NRXN1: variants seen among roughly 807,000 people sequenced by gnomAD.
NRXN1 encodes neurexin 1, also known as neurexin-1.
In NRXN1, 39 loss-of-function variants were observed where a neutral mutation model predicts 150.9. That is an observed-to-expected ratio of 0.26 (90% CI 0.20 to 0.34). The LOEUF (loss-of-function observed/expected upper bound fraction) is 0.34. Ranked by LOEUF, NRXN1 falls within the 10% of genes least tolerant of loss-of-function variation. The probability of loss-of-function intolerance (pLI) is 1.00; values close to 1 mark genes in which losing one functional copy is unlikely to be tolerated. For missense variants in NRXN1, 1,815 were observed against 1,949.9 expected, an observed-to-expected ratio of 0.93 and a Z score of 1.30; for synonymous variants, 924 against 757.0, an observed-to-expected ratio of 1.22 and a Z score of -3.62.
chr2:49,949,853 C>T (rs1477836564), intron 21 of NRXN1, among the ~76,000 whole-genome samples: 15 of 151,778 alleles, frequency 9.9e-5, no homozygotes, highest in Non-Finnish European at 1.5e-5. Flanking sequence ...CTTTGGTTAA[C>T]TGATGGGCAC....
chr2:51,004,947 C>A (rs1378117062), intron 2 of NRXN1, among the ~76,000 whole-genome samples: 1 of 151,728 alleles, frequency 6.6e-6, no homozygotes. Context: ...TGAACCTTAC[C>A]GCATAAGATG....
At chr2:50,604,023 A>G (rs1179131976) in intron 8 of NRXN1, among the ~76,000 whole-genome samples, 2 of 152,078 alleles carry the variant, frequency 1.3e-5, no homozygotes, top group East Asian at 3.9e-4. Context: ...TGTATTTTGT[A>G]TTCTTCTTTC....
intron 21 of NRXN1, among the ~76,000 whole-genome samples, chr2:49,953,722 A>AG (rs572014390): frequency 1.7e-3 from 253 of 152,156 alleles, no homozygotes; most frequent in African/African-American, 5.8e-3. Flanking sequence ...CAGGATGTTA[A>AG]GGGAGTCAAA....
At chr2:50,898,734 A>G (rs1682426821) in intron 5 of NRXN1, 1 of 308,370 alleles carries the variant, frequency 3.2e-6, no homozygotes, top group South Asian at 2.7e-5. Context: ...TCAGAAATGA[A>G]TGCTTTGAAA....
chr2:50,616,875 A>G (rs1679144324), intron 8 of NRXN1, among the ~76,000 whole-genome samples: 1 of 152,236 alleles, frequency 6.6e-6, no homozygotes, highest in South Asian at 2.1e-4. Context: ...AAGGGTTTAC[A>G]CATGCAGTGT....
chr2:50,434,286 G>A (rs1286281009), intron 17 of NRXN1, among the ~76,000 whole-genome samples: 1 of 151,564 alleles, frequency 6.6e-6, no homozygotes, highest in East Asian at 1.9e-4. Context: ...GTTTCACCGT[G>A]TTGGCCAGGA....
At chr2:50,342,389 C>T (rs184498662) in intron 17 of NRXN1, among the ~76,000 whole-genome samples, 2 of 152,312 alleles carry the variant, frequency 1.3e-5, no homozygotes, top group Admixed American at 1.3e-4. Flanking sequence ...TTCAGCAGAA[C>T]AGTCATAGCC....
chr2:50,373,974 G>C (rs1391543256), intron 17 of NRXN1, among the ~76,000 whole-genome samples: 3 of 151,962 alleles, frequency 2.0e-5, no homozygotes, highest in Non-Finnish European at 4.4e-5. Context: ...AGATTGAAAG[G>C]GTTAGGGTTA....
chr2:50,380,649 A>G (rs2080888992), intron 17 of NRXN1, among the ~76,000 whole-genome samples: 1 of 152,074 alleles, frequency 6.6e-6, no homozygotes, highest in African/African-American at 2.4e-5. Context: ...TTGTGCAAAG[A>G]AGACAGCACG....
chr2:50,008,974 A>C (rs1379494127), intron 21 of NRXN1, among the ~76,000 whole-genome samples: 1 of 152,302 alleles, frequency 6.6e-6, no homozygotes, highest in East Asian at 1.9e-4. Flanking sequence ...GACATAAAAT[A>C]TCTCTTCAAG....
At chr2:50,231,662 C>T (rs1320695942) in intron 18 of NRXN1, among the ~76,000 whole-genome samples, 2 of 152,076 alleles carry the variant, frequency 1.3e-5, no homozygotes, top group Non-Finnish European at 2.9e-5. Flanking sequence ...TCACTCATCC[C>T]CTCCTCCACC....
intron 21 of NRXN1, among the ~76,000 whole-genome samples, chr2:50,033,232 C>A (rs1161979643): frequency 6.6e-6 from 1 of 151,966 alleles, no homozygotes; most frequent in Non-Finnish European, 1.5e-5. Flanking sequence ...AAGAATACTA[C>A]AGGGCTACAA....
At position 51,027,827 on chromosome 2, in the gene NRXN1, C is replaced by A. The variant is rs753394045; in HGVS notation, c.447G>T (p.Val149=). ...EVKSKRRDMT[V]FSGLFVGGLP... The stretch of plus-strand genomic sequence containing the variant: ...GCCCCCCGACGAAAAGGCCGCTGAA[C>A]ACCGTCATGTCCCTGCGCTTGGACT... Residue 149 remains valine (V), a synonymous_variant, in exon 2 of 23, where the codon GTG becomes GTT. Transcript: ENST00000401669. 6.2e-7 allele frequency: 1 copy of A among 1,613,474 alleles called. No individual in the cohort carries two copies. The highest frequency in any genetic ancestry group is 1.7e-5 in the Admixed American group (1 of 60,022).
chr2:50,016,108 A>C (rs375666131), intron 21 of NRXN1, among the ~76,000 whole-genome samples: 52 of 152,310 alleles, frequency 3.4e-4, no homozygotes, highest in African/African-American at 1.2e-3. Flanking sequence ...TATTTTAACA[A>C]GACCCATGGA....
chr2:50,332,311 T>C (rs1486439679), intron 17 of NRXN1, among the ~76,000 whole-genome samples: 1 of 152,148 alleles, frequency 6.6e-6, no homozygotes, highest in African/African-American at 2.4e-5. Flanking sequence ...AACATTTGAG[T>C]ATCTATGAAA....
intron 21 of NRXN1, among the ~76,000 whole-genome samples, chr2:50,044,017 G>T (rs1349547257): frequency 6.6e-6 from 1 of 152,108 alleles, no homozygotes; most frequent in East Asian, 1.9e-4. Context: ...AGCACAGTGG[G>T]GATGAGGATA....
At chr2:50,286,461 T>G (rs572487199) in intron 17 of NRXN1, among the ~76,000 whole-genome samples, 7 of 152,318 alleles carry the variant, frequency 4.6e-5, no homozygotes, top group African/African-American at 1.7e-4. Flanking sequence ...TTGACAGAAT[T>G]TCCATCTTTA....
chr2:50,432,572 T>G (rs2085062296), intron 17 of NRXN1, among the ~76,000 whole-genome samples: 4 of 152,232 alleles, frequency 2.6e-5, no homozygotes, highest in African/African-American at 7.2e-5. Flanking sequence ...TCTGGATTGC[T>G]CATTGTTCCT....
intron 21 of NRXN1, among the ~76,000 whole-genome samples, chr2:50,042,768 C>T (rs759363853): frequency 6.6e-6 from 1 of 152,034 alleles, no homozygotes; most frequent in Non-Finnish European, 1.5e-5. Context: ...ACAGGTAGAT[C>T]ATTATCTATC....
Sources: gnomAD v4.1 joint callset for allele counts (sites outside exome capture counted in the v4.1 genomes callset) on GRCh38, gnomAD v4.1.1 for gene constraint, MANE v1.5 for transcripts, NCBI Gene and HGNC (gene_info 2026-07-23, HGNC 2026-07-21) for gene names.